DLG2: variants seen among roughly 807,000 people sequenced by gnomAD.
DLG2 encodes discs large MAGUK scaffold protein 2.
Under a neutral mutation model 132.5 loss-of-function variants are expected in DLG2, and 45 were observed. The ratio of observed to expected loss-of-function variants is 0.34; its 90% CI spans 0.27 to 0.44. The LOEUF is 0.44. DLG2 is among the 20% of genes least tolerant of loss of function. The pLI, the probability that DLG2 is intolerant of heterozygous loss-of-function variation, is 1.00. For synonymous variants in DLG2, 424 were observed against 419.6 expected (o/e 1.01, Z -0.13); for missense variants, 1,045 against 1,196.9 (o/e 0.87, Z 1.87).
At chr11:84,962,163 A>G (rs1283981930) in intron 6 of DLG2, among the ~76,000 whole-genome samples, 4 of 152,230 alleles carry the variant, frequency 2.6e-5, no homozygotes, top group Non-Finnish European at 5.9e-5. Context: ...CACAATCCTT[A>G]ACTACCATTT....
At chr11:84,178,341 A>G (rs2096025276) in intron 8 of DLG2, among the ~76,000 whole-genome samples, 1 of 152,104 alleles carries the variant, frequency 6.6e-6, no homozygotes, top group African/African-American at 2.4e-5. Context: ...TTAACAGAAC[A>G]ATTTGGGTAC....
chr11:85,304,500 G>A (rs1460504874), intron 3 of DLG2, among the ~76,000 whole-genome samples: 2 of 152,062 alleles, frequency 1.3e-5, no homozygotes, highest in Non-Finnish European at 2.9e-5. Flanking sequence ...TATACAGGTT[G>A]AGCATCCCAA....
chr11:85,482,604 A>C (rs1273191709), intron 3 of DLG2, among the ~76,000 whole-genome samples: 2 of 152,168 alleles, frequency 1.3e-5, no homozygotes, highest in East Asian at 1.9e-4. Flanking sequence ...CTCTAAGGCA[A>C]TACCAGCAGG....
chr11:85,123,324 T>C (rs183571153), intron 5 of DLG2, among the ~76,000 whole-genome samples: 32 of 151,766 alleles, frequency 2.1e-4, no homozygotes, highest in African/African-American at 7.0e-4. Flanking sequence ...GTGTGGAAAA[T>C]GTATAGGAGT....
chr11:84,371,158 G>A lies in DLG2; in HGVS notation c.520-119867C>T, dbSNP rs147539222. Among the ~76,000 whole-genome samples, 333 of 151,726 alleles carry A rather than the reference G, an allele frequency of 2.2e-3. 1 individual carries two copies. The highest frequency in any genetic ancestry group is 7.7e-3 in the African/African-American group (318 of 41,358). On this transcript the variant is annotated intron_variant, in intron 7 of 27. Coordinates refer to ENST00000376104, the MANE Select transcript of DLG2 (RefSeq NM_001142699.3). ...TTACTAAAAAGAAAAGACAAGCTGCGATTTTAATATGGCACTATTTCACTA... is the reference window on the plus strand; with the variant it reads ...TTACTAAAAAGAAAAGACAAGCTGCAATTTTAATATGGCACTATTTCACTA...
intron 19 of DLG2, among the ~76,000 whole-genome samples, chr11:83,570,595 C>G (rs1486394166): frequency 6.6e-6 from 1 of 151,922 alleles, no homozygotes; most frequent in Non-Finnish European, 1.5e-5. Context: ...AGGAAAAAAG[C>G]TGAATGTAAA....
rs1312040825 is a variant in DLG2 at position 83,458,395 on chromosome 11, T to C, written c.*1423A>G. On this transcript the variant is annotated 3_prime_UTR_variant, in exon 28 of 28. Coordinates refer to ENST00000376104, the MANE Select transcript of DLG2 (RefSeq NM_001142699.3). ...GCTCCAAGAAAGGCAGTTCAGTTGG[T>C]TGAGCTCAAAGTCATTAATTGTCTT... 1 of 152,644 alleles carries C rather than the reference T, an allele frequency of 6.6e-6. No individual in the cohort carries two copies. Among genetic ancestry groups the C allele is most frequent in the Non-Finnish European group, 1.5e-5 (1 of 68,062 alleles). 9.5% of individuals were successfully genotyped at this position (152,644 alleles called of 1,614,324 possible).
chr11:83,487,665 T>C (rs1290730989), intron 21 of DLG2, among the ~76,000 whole-genome samples: 1 of 152,098 alleles, frequency 6.6e-6, no homozygotes, highest in Non-Finnish European at 1.5e-5. Context: ...TCCCACAGCT[T>C]GATGCTTGAA....
intron 2 of DLG2, among the ~76,000 whole-genome samples, chr11:85,602,118 T>C (rs1202464065): frequency 6.6e-6 from 1 of 152,192 alleles, no homozygotes; most frequent in African/African-American, 2.4e-5. Flanking sequence ...CTCAGTCTGC[T>C]TCTCCTCCAA....
chr11:84,468,316 T>C (rs1164950760), intron 7 of DLG2, among the ~76,000 whole-genome samples: 1 of 151,482 alleles, frequency 6.6e-6, no homozygotes, highest in Non-Finnish European at 1.5e-5. Flanking sequence ...GTGTGTTAAT[T>C]GGATCTTGTT....
intron 18 of DLG2, among the ~76,000 whole-genome samples, chr11:83,705,931 A>G (rs1425430464): frequency 6.6e-6 from 1 of 152,188 alleles, no homozygotes; most frequent in Admixed American, 6.5e-5. Flanking sequence ...AAACATTTTA[A>G]AACTAGGCCG....
chr11:83,594,645 T>C (rs756303285), intron 19 of DLG2, among the ~76,000 whole-genome samples: 2 of 152,136 alleles, frequency 1.3e-5, no homozygotes, highest in Non-Finnish European at 1.5e-5. Context: ...GTATAAAGGA[T>C]ACTTAGAAGA....
At chr11:85,437,706 C>A (rs1293210494) in intron 3 of DLG2, among the ~76,000 whole-genome samples, 1 of 151,664 alleles carries the variant, frequency 6.6e-6, no homozygotes. Context: ...TTAACTAGTG[C>A]CAAAATTTTT....
intron 3 of DLG2, among the ~76,000 whole-genome samples, chr11:85,454,001 T>A (rs2153046196): frequency 6.6e-6 from 1 of 152,156 alleles, no homozygotes; most frequent in Non-Finnish European, 1.5e-5. Flanking sequence ...ATTGCTTAGC[T>A]CTGACTTGTA....
chr11:85,596,723 A>G (rs1487037930), intron 3 of DLG2, among the ~76,000 whole-genome samples: 1 of 152,168 alleles, frequency 6.6e-6, no homozygotes, highest in African/African-American at 2.4e-5. Flanking sequence ...CTATATTTCA[A>G]TGGCTCCCTA....
intron 11 of DLG2, among the ~76,000 whole-genome samples, chr11:84,043,957 A>G (rs901020361): frequency 5.9e-5 from 9 of 151,624 alleles, no homozygotes; most frequent in Admixed American, 4.0e-4. Flanking sequence ...TGAGCAATTA[A>G]TTCCCTTCTG....
At chr11:85,541,658 AAC>A in intron 3 of DLG2, among the ~76,000 whole-genome samples, 1 of 152,248 alleles carries the variant, frequency 6.6e-6, no homozygotes, top group South Asian at 2.1e-4. Context: ...AGTGCAAAAA[AAC>A]ACAGATTTGA....
chr11:83,853,063 A>C (rs1250486644), intron 16 of DLG2, among the ~76,000 whole-genome samples: 1 of 152,212 alleles, frequency 6.6e-6, no homozygotes, highest in Non-Finnish European at 1.5e-5. Flanking sequence ...GAATCATCAA[A>C]ATTTTTCCTC....
intron 6 of DLG2, among the ~76,000 whole-genome samples, chr11:84,554,890 T>C (rs1565286595): frequency 6.6e-6 from 1 of 152,170 alleles, no homozygotes; most frequent in Admixed American, 6.5e-5. Context: ...GGAATGAGAA[T>C]ATCTCCCATG....
Sources: allele counts gnomAD v4.1 joint callset (sites outside exome capture counted in the v4.1 genomes callset), GRCh38; gene constraint gnomAD v4.1.1; transcripts MANE v1.5; gene names NCBI Gene and HGNC (gene_info 2026-07-23, HGNC 2026-07-21).